C7: variants seen among roughly 807,000 people sequenced by gnomAD.
C7 encodes the protein complement C7, also known as complement component C7.
A neutral mutation model predicts 104.8 loss-of-function variants in C7; 83 were observed. The observed-to-expected ratio is 0.79, with a 90% CI of 0.66 to 0.95. The LOEUF (loss-of-function observed/expected upper bound fraction) is 0.95, where lower values mean the gene tolerates loss of function less well. Ranked by LOEUF, C7 falls within the 40% of genes least tolerant of loss-of-function variation. C7 has a pLI of 0.00. For missense variants in C7, 1,070 were observed against 1,011.2 expected (o/e 1.06, Z -0.79); for synonymous variants, 415 against 360.6 (o/e 1.15, Z -1.71).
chr5:40,946,734 G>T (rs1398217688), intron 7 of C7, among the ~76,000 whole-genome samples: 5 of 151,948 alleles, frequency 3.3e-5, no homozygotes, highest in African/African-American at 9.7e-5. Flanking sequence ...AGTTGAAGAT[G>T]GCATAGCAAC....
chr5:40,978,354 C>T (rs1387751067), intron 16 of C7, among the ~76,000 whole-genome samples: 1 of 152,078 alleles, frequency 6.6e-6, no homozygotes, highest in African/African-American at 2.4e-5. Context: ...TCTGACTTTG[C>T]TGCTAATCTT....
At position 40,972,385 on chromosome 5, in the gene C7, G is replaced by T. The variant is rs184356623; in HGVS notation, c.1883-18G>T. ...AGGAGAGCAACGACCCTTATATTTTGCTCTCTTTTATCTTTAGAAATTGCC... is the reference window on the plus strand; with the variant it reads ...AGGAGAGCAACGACCCTTATATTTTTCTCTCTTTTATCTTTAGAAATTGCC... On this transcript the variant is annotated intron_variant, in intron 14 of 17. Transcript: ENST00000313164. 4 of 1,609,232 alleles carry T rather than the reference G, an allele frequency of 2.5e-6. No homozygotes were observed. The Admixed American group carries it at 6.7e-5, about 27-fold the overall frequency.
intron 7 of C7, among the ~76,000 whole-genome samples, chr5:40,946,082 A>T (rs1384499697): frequency 6.6e-6 from 1 of 151,788 alleles, no homozygotes; most frequent in Admixed American, 6.6e-5. Context: ...TAAAAAATCT[A>T]ATTAATGCTT....
intron 1 of C7, among the ~76,000 whole-genome samples, chr5:40,913,115 G>C (rs1739245869): frequency 6.6e-6 from 1 of 152,144 alleles, no homozygotes; most frequent in Admixed American, 6.5e-5. Flanking sequence ...CATCCATGCT[G>C]CTGCAAAAGA....
At chr5:40,929,035 C>T (rs551736902) in intron 2 of C7, among the ~76,000 whole-genome samples, 1 of 152,210 alleles carries the variant, frequency 6.6e-6, no homozygotes, top group East Asian at 1.9e-4. Context: ...TTACCAAGTT[C>T]TTGAGGCCTG....
chr5:40,947,615 T>C lies in C7; in HGVS notation c.752T>C (p.Leu251Pro). 2.5e-6 allele frequency: 4 copies of C among 1,613,340 alleles called. No individual in the cohort carries two copies. Among genetic ancestry groups the C allele is most frequent in the Non-Finnish European group, 3.4e-6 (4 of 1,179,616 alleles). ...TTCTTTCCACAGAGTTACCAACTGC[T>C]GGTTGTTGAGAACACTGTTGAAGTG... ...EIHKGKSYQL[L>P]VVENTVEVAQ... The change falls in exon 8 of 18, where the codon CTG (leucine) becomes CCG (proline). Residue 251 changes from leucine to proline, a missense_variant. Transcript: ENST00000313164.
At chr5:40,952,801 A>G (rs2459462) in intron 9 of C7, among the ~76,000 whole-genome samples, 148,953 of 152,192 alleles carry the variant, frequency 0.98, 72,985 homozygotes, top group East Asian at 1. Context: ...ATACACCATG[A>G]AATACTATGC....
At chr5:40,930,666 G>GTACTC (rs1739661930) in intron 2 of C7, among the ~76,000 whole-genome samples, 1 of 151,592 alleles carries the variant, frequency 6.6e-6, no homozygotes, top group Non-Finnish European at 1.5e-5. Context: ...GGGTTCCAGT[G>GTACTC]ATTCTCCTGC....
At chr5:40,912,758 T>G (rs1043271661) in intron 1 of C7, among the ~76,000 whole-genome samples, 1 of 152,216 alleles carries the variant, frequency 6.6e-6, no homozygotes, top group Non-Finnish European at 1.5e-5. Context: ...GTACTCAAGA[T>G]TTTTTGAAAT....
intron 6 of C7, among the ~76,000 whole-genome samples, chr5:40,941,485 C>A (rs112135792): frequency 2.0e-5 from 3 of 151,820 alleles, no homozygotes; most frequent in South Asian, 2.1e-4. Flanking sequence ...AGACTTTTTT[C>A]TGGTTAGTTA....
chr5:40,948,815 T>G (rs1249954369), intron 8 of C7, among the ~76,000 whole-genome samples: 1 of 152,188 alleles, frequency 6.6e-6, no homozygotes, highest in Non-Finnish European at 1.5e-5. Flanking sequence ...GAAAAGATTC[T>G]GTTACAACCT....
intron 4 of C7, 148 bp downstream of exon 4, chr5:40,934,614 T>C: frequency 1.3e-6 from 1 of 789,768 alleles, no homozygotes; most frequent in Non-Finnish European, 2.0e-6. Flanking sequence ...TTTGTTGGTA[T>C]GTTAATCATC....
chr5:40,942,814 G>C (rs919721054), intron 6 of C7, among the ~76,000 whole-genome samples: 15 of 151,634 alleles, frequency 9.9e-5, no homozygotes, highest in African/African-American at 3.4e-4. Flanking sequence ...CACCAGGCTG[G>C]AGTGCAGTGG....
At position 40,936,382 on chromosome 5, in the gene C7, T is replaced by C. The variant is rs898228216; in HGVS notation, c.325T>C (p.Cys109Arg). The C allele has an allele frequency of 1.2e-6, 2 of 1,613,346 alleles. No homozygotes were observed. Among genetic ancestry groups the C allele is most frequent in the African/African-American group, 2.7e-5 (2 of 74,894 alleles). The stretch of plus-strand genomic sequence containing the variant: ...ATTGGTTTGCAATGGGGATTCTGAC[T>C]GTGATGAAGACAGTGCTGATGAAGA... ...KSLVCNGDSDCDEDSADEDRC... is the reference protein window; with the variant it reads ...KSLVCNGDSDRDEDSADEDRC... Residue 109 changes from cysteine to arginine, a missense_variant, in exon 5 of 18, where the codon TGT becomes CGT. Cys to Arg is a radical substitution (Grantham distance 180, BLOSUM62 -3). Transcript: ENST00000313164.
intron 13 of C7, among the ~76,000 whole-genome samples, chr5:40,963,947 G>A (rs183513545): frequency 1.4e-5 from 2 of 146,862 alleles, no homozygotes; most frequent in East Asian, 4.2e-4. Context: ...TAATAGGATT[G>A]GAAAATTTCT....
chr5:40,929,907 A>C (rs1299073324), intron 2 of C7, among the ~76,000 whole-genome samples: 1 of 151,992 alleles, frequency 6.6e-6, no homozygotes, highest in African/African-American at 2.4e-5. Context: ...TCTCATGGGG[A>C]CTTTTTATAG....
intron 7 of C7, 24 bp downstream of exon 7, chr5:40,945,392 T>G: frequency 1.3e-6 from 2 of 1,501,542 alleles, no homozygotes; most frequent in Non-Finnish European, 1.8e-6. Context: ...GTCAGTTAAC[T>G]TTTCCATGTT....
intron 13 of C7, among the ~76,000 whole-genome samples, chr5:40,963,974 A>G (rs187850918): frequency 1.4e-5 from 2 of 142,272 alleles, no homozygotes; most frequent in East Asian, 2.2e-4. Context: ...TCATACTGAC[A>G]TTTTGTAGGC....
At chr5:40,920,816 AGGAG>A (rs1029573839) in intron 1 of C7, among the ~76,000 whole-genome samples, 1 of 152,198 alleles carries the variant, frequency 6.6e-6, no homozygotes, top group Non-Finnish European at 1.5e-5. Context: ...TGGGAGGCCA[AGGAG>A]GGTGGATCAC....
Sources: gnomAD v4.1 joint callset for allele counts (sites outside exome capture counted in the v4.1 genomes callset) on GRCh38, gnomAD v4.1.1 for gene constraint, MANE v1.5 for transcripts, NCBI Gene and HGNC (gene_info 2026-07-23, HGNC 2026-07-21) for gene names.